ZBTB20: variants seen among roughly 807,000 people sequenced by gnomAD.
ZBTB20 encodes the protein zinc finger and BTB domain containing 20.
ZBTB20 carries 9 observed loss-of-function variants against 56.9 expected under a neutral mutation model. The observed-to-expected ratio is 0.16, with a 90% CI of 0.10 to 0.28. The LOEUF (loss-of-function observed/expected upper bound fraction) is 0.28, where lower values mean the gene tolerates loss of function less well. Ranked by LOEUF, ZBTB20 falls within the 10% of genes least tolerant of loss-of-function variation. ZBTB20 has a pLI of 1.00. For missense variants in ZBTB20, 655 were observed against 1,003.0 expected (o/e 0.65, Z 4.69); for synonymous variants, 417 against 420.7 (o/e 0.99, Z 0.11).
intron 6 of ZBTB20, among the ~76,000 whole-genome samples, chr3:114,647,990 T>C (rs2059936824): frequency 6.6e-6 from 1 of 152,166 alleles, no homozygotes; most frequent in African/African-American, 2.4e-5. Flanking sequence ...TCTAGATTAT[T>C]AAAGTTAACC....
At chr3:114,451,996 C>T (rs2091644921) in intron 7 of ZBTB20, among the ~76,000 whole-genome samples, 1 of 151,974 alleles carries the variant, frequency 6.6e-6, no homozygotes, top group African/African-American at 2.4e-5. Flanking sequence ...CTTTCAGTAA[C>T]AGCCTGTTAT....
At chr3:114,549,125 T>G (rs1473811267) in intron 6 of ZBTB20, among the ~76,000 whole-genome samples, 1 of 152,190 alleles carries the variant, frequency 6.6e-6, no homozygotes, top group Non-Finnish European at 1.5e-5. Context: ...CTCCTCTTAT[T>G]CCAGGAAACA....
intron 6 of ZBTB20, among the ~76,000 whole-genome samples, chr3:114,584,154 T>A (rs2107508193): frequency 6.6e-6 from 1 of 152,246 alleles, no homozygotes; most frequent in East Asian, 1.9e-4. Context: ...AATGATCAAA[T>A]AAGCAAATAA....
At chr3:114,895,031 G>C (rs2074815570) in intron 4 of ZBTB20, among the ~76,000 whole-genome samples, 1 of 151,954 alleles carries the variant, frequency 6.6e-6, no homozygotes, top group Non-Finnish European at 1.5e-5. Flanking sequence ...AGAAGATACT[G>C]CTGCAATATA....
intron 3 of ZBTB20, among the ~76,000 whole-genome samples, chr3:114,905,851 C>A (rs1021899376): frequency 6.6e-6 from 1 of 151,828 alleles, no homozygotes; most frequent in African/African-American, 2.4e-5. Flanking sequence ...TACCTGTTAA[C>A]AGATACTCGG....
chr3:114,744,072 C>T (rs1374425925), intron 5 of ZBTB20, among the ~76,000 whole-genome samples: 2 of 152,282 alleles, frequency 1.3e-5, no homozygotes, highest in Admixed American at 6.5e-5. Flanking sequence ...GTACCAACCA[C>T]GCACTTTCAT....
intron 7 of ZBTB20, among the ~76,000 whole-genome samples, chr3:114,439,312 G>A (rs1436392206): frequency 1.3e-5 from 2 of 152,120 alleles, no homozygotes; most frequent in Non-Finnish European, 2.9e-5. Flanking sequence ...AGGTTCAGAA[G>A]TGCAGGTGAA....
chr3:114,566,993 CA>C (rs2052839062), intron 6 of ZBTB20, among the ~76,000 whole-genome samples: 1 of 152,098 alleles, frequency 6.6e-6, no homozygotes, highest in African/African-American at 2.4e-5. Context: ...ATTGACTTAG[CA>C]TTTTATGTCT....
intron 1 of ZBTB20, among the ~76,000 whole-genome samples, chr3:115,083,398 A>C (rs1340120270): frequency 6.6e-6 from 1 of 152,012 alleles, no homozygotes; most frequent in Non-Finnish European, 1.5e-5. Context: ...GTTGCCATCA[A>C]ACTATACTGT....
intron 2 of ZBTB20, among the ~76,000 whole-genome samples, chr3:115,001,686 C>T (rs1442338763): frequency 6.6e-6 from 1 of 151,074 alleles, no homozygotes; most frequent in Admixed American, 6.6e-5. Flanking sequence ...TAAAATCTAA[C>T]AAAATATGTA....
intron 5 of ZBTB20, among the ~76,000 whole-genome samples, chr3:114,779,785 T>C (rs1386266536): frequency 6.6e-6 from 1 of 152,184 alleles, no homozygotes; most frequent in Non-Finnish European, 1.5e-5. Flanking sequence ...TTAGGAATCT[T>C]ACAAATGAAC....
At chr3:114,616,713 A>G (rs978730796) in intron 6 of ZBTB20, among the ~76,000 whole-genome samples, 1 of 152,190 alleles carries the variant, frequency 6.6e-6, no homozygotes, top group African/African-American at 2.4e-5. Flanking sequence ...TGTCCCTGAC[A>G]TCTCCAGCAT....
intron 2 of ZBTB20, among the ~76,000 whole-genome samples, chr3:115,028,400 A>C (rs920695619): frequency 1.2e-4 from 18 of 150,730 alleles, no homozygotes; most frequent in African/African-American, 3.9e-4. Context: ...AAACTCTAAA[A>C]TATCTCATTA....
chr3:115,042,550 T>C (rs953960067), intron 2 of ZBTB20, among the ~76,000 whole-genome samples: 4 of 152,210 alleles, frequency 2.6e-5, no homozygotes, highest in Admixed American at 1.3e-4. Context: ...AATATTTTTA[T>C]TGAGTACATT....
In ZBTB20 at chr3:114,705,799, G is replaced by C. The variant is rs977043980; in HGVS notation, c.-342-12224C>G. Among the ~76,000 whole-genome samples, 3 of 152,156 alleles carry C rather than the reference G, an allele frequency of 2.0e-5. 1 individual carries two copies. In the South Asian group the frequency reaches 6.2e-4, roughly 31 times the overall value. ...CAGCTAACCCAGAACCCAGCACTGG[G>C]AGATGTCATGTGGATTTGTGAAACT... On this transcript the variant is annotated intron_variant, in intron 5 of 11. Transcript: ENST00000675478.
chr3:114,603,694 A>T (rs1284945833), intron 6 of ZBTB20, among the ~76,000 whole-genome samples: 1 of 152,034 alleles, frequency 6.6e-6, no homozygotes, highest in Non-Finnish European at 1.5e-5. Context: ...GAAATACATA[A>T]GAGAAAGACT....
chr3:114,637,028 A>G (rs931380346), intron 6 of ZBTB20, among the ~76,000 whole-genome samples: 1 of 152,104 alleles, frequency 6.6e-6, no homozygotes. Context: ...AAAGCTAGTA[A>G]GAGTGGCTAT....
chr3:114,835,408 A>G (rs1274313825), intron 4 of ZBTB20, among the ~76,000 whole-genome samples: 1 of 152,146 alleles, frequency 6.6e-6, no homozygotes, highest in East Asian at 1.9e-4. Context: ...CCTTTTAAAT[A>G]AATAAAATCT....
At chr3:114,397,045 T>G (rs2086391269) in intron 7 of ZBTB20, among the ~76,000 whole-genome samples, 2 of 152,184 alleles carry the variant, frequency 1.3e-5, no homozygotes, top group African/African-American at 4.8e-5. Context: ...TTTGTCCAGT[T>G]TGATCTTGCC....
Sources: allele counts gnomAD v4.1 joint callset (sites outside exome capture counted in the v4.1 genomes callset), GRCh38; gene constraint gnomAD v4.1.1; transcripts MANE v1.5; gene names NCBI Gene and HGNC (gene_info 2026-07-23, HGNC 2026-07-21).